The following DNAI4 variants were observed in gnomAD, a reference collection of about 807,000 sequenced individuals.
The protein encoded by DNAI4 is dynein axonemal intermediate chain 4, also known as WD repeat domain 78.
DNAI4 carries 85 observed loss-of-function variants against 105.8 expected under a neutral mutation model. The observed-to-expected ratio is 0.80, with a 90% CI of 0.67 to 0.96. The LOEUF (loss-of-function observed/expected upper bound fraction) is 0.96. DNAI4 is among the 40% of genes least tolerant of loss of function. DNAI4 has a pLI of 0.00. For synonymous variants in DNAI4, 352 were observed against 331.5 expected (o/e 1.06, Z -0.67); for missense variants, 1,014 against 1,005.6 (o/e 1.01, Z -0.11).
intron 8 of DNAI4, among the ~76,000 whole-genome samples, chr1:66,846,835 T>C (rs1389818168): frequency 1.3e-5 from 2 of 152,238 alleles, no homozygotes; most frequent in African/African-American, 4.8e-5. Context: ...TCTTCATTCA[T>C]GTATTTTTTA....
At chr1:66,833,383 A>G (rs1557904120) in intron 13 of DNAI4, among the ~76,000 whole-genome samples, 1 of 152,096 alleles carries the variant, frequency 6.6e-6, no homozygotes, top group African/African-American at 2.4e-5. Flanking sequence ...TTAGTAAGTC[A>G]TTCCCTATTT....
At chr1:66,907,989 T>C (rs1371006559) in intron 1 of DNAI4, among the ~76,000 whole-genome samples, 1 of 152,236 alleles carries the variant, frequency 6.6e-6, no homozygotes. Flanking sequence ...ATCTCTTCCC[T>C]CTTGAGGTTA....
chr1:66,826,425 A>C (rs1406659785), intron 15 of DNAI4, among the ~76,000 whole-genome samples: 1 of 151,988 alleles, frequency 6.6e-6, no homozygotes, highest in East Asian at 1.9e-4. Context: ...CAGGCTTCCA[A>C]GTAGCTGGAA....
At chr1:66,914,921 A>C (rs1179066231) in intron 1 of DNAI4, among the ~76,000 whole-genome samples, 1 of 152,208 alleles carries the variant, frequency 6.6e-6, no homozygotes, top group Non-Finnish European at 1.5e-5. Context: ...TATGTAACTT[A>C]AGTAAAATCT....
intron 2 of DNAI4, 111 bp from the exon 3 acceptor site, chr1:66,893,524 C>A: frequency 1.6e-6 from 1 of 639,036 alleles, no homozygotes; most frequent in Non-Finnish European, 2.4e-6. Flanking sequence ...GTATAATGCT[C>A]CTATAATAGG....
chr1:66,827,730 C>T, intron 14 of DNAI4, 82 bp downstream of exon 14: 1 of 659,114 alleles, frequency 1.5e-6, no homozygotes, highest in Non-Finnish European at 2.4e-6. Context: ...AAATTTATTG[C>T]ATATTACATA....
intron 5 of DNAI4, among the ~76,000 whole-genome samples, chr1:66,874,567 A>G (rs911728853): frequency 1.3e-5 from 2 of 152,194 alleles, no homozygotes; most frequent in African/African-American, 4.8e-5. Flanking sequence ...CTCTTCCTCT[A>G]GAAAAATTTA....
Position 66,847,520 on chromosome 1 carries a change from T to C in DNAI4, c.1255A>G (p.Lys419Glu). ...GGAAGCTGACGATAAGCTGCAAGTT[T>C]GGGCTGAAATATATTTTCCATCAGA... ...RVLMENIFQP[K>E]LAAYRQLPVL... Residue 419 changes from lysine (K) to glutamate (E), a missense_variant, in exon 8 of 17, where the codon AAA becomes GAA. Physicochemically the swap from Lys to Glu is moderately conservative, Grantham distance 56. Transcript: ENST00000371026. 1.2e-6 allele frequency: 2 copies of C among 1,613,126 alleles called. No individual in the cohort carries two copies. Among genetic ancestry groups the C allele is most frequent in the Non-Finnish European group, 8.5e-7 (1 of 1,179,810 alleles).
intron 4 of DNAI4, among the ~76,000 whole-genome samples, chr1:66,880,000 T>C (rs1003794101): frequency 4.0e-5 from 6 of 150,442 alleles, no homozygotes; most frequent in African/African-American, 1.5e-4. Flanking sequence ...TCCTGCACTG[T>C]TTTCTTGATA....
In DNAI4 at chr1:66,905,233, C is replaced by A; in HGVS notation, c.313G>T (p.Glu105Ter). The change falls in exon 2 of 17, where the codon GAA becomes TAA. Residue 105 changes from glutamate (E) to a stop codon, truncating the protein, a stop_gained. Transcript: ENST00000371026. LOFTEE classifies it high-confidence loss of function. ...VLIPPELKTV[E>*]KPNPNIKTTQ... is the part of the protein sequence containing the mutation. ...GTCTTTATATTGGGATTTGGTTTTT[C>A]TACAGTTTTCAGTTCAGGTGGAATA... 1 of 1,556,748 alleles carries A rather than the reference C, an allele frequency of 6.4e-7. No individual in the cohort carries two copies. Among genetic ancestry groups the A allele is most frequent in the Non-Finnish European group, 8.8e-7 (1 of 1,142,614 alleles).
rs1215223977 is a variant in DNAI4, at chr1:66,813,510, T to A, written c.*620A>T. 1 of 152,468 alleles carries A rather than the reference T, an allele frequency of 6.6e-6. No homozygotes were observed. The highest frequency in any genetic ancestry group is 1.5e-5 in the Non-Finnish European group (1 of 68,024). The allele number at this position is 152,468 out of a possible 1,614,324, so 9.4% of individuals were successfully genotyped here. A position where few individuals can be genotyped will look rare whatever the true frequency, so the allele number is the denominator to read the frequency against. On this transcript the variant is annotated 3_prime_UTR_variant, in exon 17 of 17. Transcript: ENST00000371026. ...GAAGAGTACCCTGTTGTGTCCCAGA[T>A]GAATTTTTCTCACTGAATTGGGAAT...
chr1:66,816,169 G>C (rs914767682), intron 16 of DNAI4, among the ~76,000 whole-genome samples: 1 of 152,088 alleles, frequency 6.6e-6, no homozygotes, highest in South Asian at 2.1e-4. Context: ...AAATTTTAAA[G>C]ATTAAAAGTT....
intron 4 of DNAI4, among the ~76,000 whole-genome samples, 170 bp from the exon 5 acceptor site, chr1:66,875,107 T>C (rs1237366930): frequency 6.6e-6 from 1 of 152,166 alleles, no homozygotes; most frequent in Non-Finnish European, 1.5e-5. Flanking sequence ...TGAAGCCAAA[T>C]TGGATCTTGT....
chr1:66,838,431 C>T (rs1646076516), intron 9 of DNAI4, among the ~76,000 whole-genome samples: 1 of 152,132 alleles, frequency 6.6e-6, no homozygotes, highest in African/African-American at 2.4e-5. Flanking sequence ...GAATCAGCAG[C>T]CCTTGGATCT....
At chr1:66,910,037 C>T (rs1649539930) in intron 1 of DNAI4, among the ~76,000 whole-genome samples, 2 of 152,044 alleles carry the variant, frequency 1.3e-5, no homozygotes, top group African/African-American at 2.4e-5. Context: ...ACGTAACAAC[C>T]ACAATGACCT....
At chr1:66,840,957 A>T (rs1406029569) in intron 8 of DNAI4, among the ~76,000 whole-genome samples, 1 of 152,128 alleles carries the variant, frequency 6.6e-6, no homozygotes, top group African/African-American at 2.4e-5. Flanking sequence ...ATGTAAAGAG[A>T]CTCACTAGGC....
intron 5 of DNAI4, among the ~76,000 whole-genome samples, chr1:66,873,892 C>G (rs1348216569): frequency 7.1e-6 from 1 of 140,010 alleles, no homozygotes; most frequent in African/African-American, 2.8e-5. Context: ...AGGAACTTTC[C>G]CTTCCTTCTT....
intron 2 of DNAI4, among the ~76,000 whole-genome samples, chr1:66,896,092 CT>C (rs1648313652): frequency 6.6e-6 from 1 of 152,128 alleles, no homozygotes; most frequent in African/African-American, 2.4e-5. Context: ...AGTATACCCA[CT>C]TTTAGTGTTC....
intron 2 of DNAI4, among the ~76,000 whole-genome samples, chr1:66,899,132 A>G (rs560853313): frequency 6.6e-6 from 1 of 152,320 alleles, no homozygotes; most frequent in African/African-American, 2.4e-5. Flanking sequence ...ACCTAGGAGT[A>G]GGATTGCTGG....
Sources: allele counts gnomAD v4.1 joint callset (sites outside exome capture counted in the v4.1 genomes callset), GRCh38; gene constraint gnomAD v4.1.1; transcripts MANE v1.5; gene names NCBI Gene and HGNC (gene_info 2026-07-23, HGNC 2026-07-21).